The following KTN1 variants were observed in gnomAD, a reference collection of about 807,000 sequenced individuals.
KTN1 encodes the protein kinectin.
In KTN1, 130 loss-of-function variants were observed where a neutral mutation model predicts 222.5. That is an observed-to-expected ratio of 0.58 (90% CI 0.51 to 0.68). The LOEUF is 0.68. Ranked by LOEUF, KTN1 falls within the 30% of genes least tolerant of loss-of-function variation. The probability of loss-of-function intolerance (pLI) is 0.00; values close to 1 mark genes in which losing one functional copy is unlikely to be tolerated. For missense variants in KTN1, 1,508 were observed against 1,500.4 expected (o/e 1.01, Z -0.08); for synonymous variants, 512 against 496.3 (o/e 1.03, Z -0.42).
intron 37 of KTN1, 69 bp from the exon 38 acceptor site, chr14:55,672,561 A>G: frequency 1.1e-6 from 1 of 920,782 alleles, no homozygotes; most frequent in Admixed American, 2.1e-5. Flanking sequence ...ATTGATCAGA[A>G]TTCTACAGGA....
At chr14:55,626,216 A>G (rs2039808759) in intron 5 of KTN1, among the ~76,000 whole-genome samples, 1 of 151,972 alleles carries the variant, frequency 6.6e-6, no homozygotes, top group Non-Finnish European at 1.5e-5. Context: ...AACAAAAAAA[A>G]AAACCCTAAC....
chr14:55,634,444 C>A, intron 8 of KTN1, 82 bp from the exon 9 acceptor site: 1 of 1,294,302 alleles, frequency 7.7e-7, no homozygotes, highest in Non-Finnish European at 1.0e-6. Context: ...CTCAGCTCAG[C>A]AAAACTAACA....
chr14:55,624,573 A>G (rs2039558481), intron 5 of KTN1, among the ~76,000 whole-genome samples: 1 of 152,186 alleles, frequency 6.6e-6, no homozygotes, highest in Non-Finnish European at 1.5e-5. Flanking sequence ...AAAGGCTACA[A>G]TGGGAGTGAT....
intron 8 of KTN1, among the ~76,000 whole-genome samples, chr14:55,634,300 A>G (rs1205799637): frequency 1.3e-5 from 2 of 152,116 alleles, no homozygotes; most frequent in African/African-American, 4.8e-5. Flanking sequence ...ATGGTCATCC[A>G]TTTTTCTTGA....
rs201889765 is a variant in KTN1, at chr14:55,616,575, G to A, written c.582G>A (p.Leu194=). ...LMVPSKRQEA[L]PLHQETKQES... ...TACCATCAAAAAGGCAAGAAGCATT[G>A]CCCCTCCACCAAGAGACTAAACAAG... Residue 194 remains leucine, a synonymous_variant, in exon 3 of 44, where the codon TTG becomes TTA. Coordinates refer to ENST00000395314, the MANE Select transcript of KTN1 (RefSeq NM_001079521.2). 96 of 1,607,716 alleles carry A rather than the reference G, an allele frequency of 6.0e-5. 1 individual carries two copies. The highest frequency in any genetic ancestry group is 6.8e-6 in the Non-Finnish European group (8 of 1,178,076).
At position 55,618,097 on chromosome 14, in the gene KTN1, A is replaced by G. The variant is rs758967205; in HGVS notation, c.795A>G (p.Lys265=). Residue 265 remains lysine, a synonymous_variant, in exon 4 of 44, where the codon AAA becomes AAG. Coordinates refer to ENST00000395314, the MANE Select transcript of KTN1 (RefSeq NM_001079521.2). ...CTGACCAAGTAGAAGGGATCCAGAAATCTGGGACTAAAAAACTGAAGACCG... is the reference window on the plus strand; with the variant it reads ...CTGACCAAGTAGAAGGGATCCAGAAGTCTGGGACTAAAAAACTGAAGACCG... ...LKPDQVEGIQ[K]SGTKKLKTET... 1.9e-6 allele frequency: 3 copies of G among 1,612,388 alleles called. No homozygotes were observed. The Middle Eastern group carries it at 5.0e-4, about 266-fold the overall frequency.
intron 4 of KTN1, among the ~76,000 whole-genome samples, chr14:55,618,479 A>C (rs2140736804): frequency 6.6e-6 from 1 of 152,202 alleles, no homozygotes; most frequent in Non-Finnish European, 1.5e-5. Flanking sequence ...ATTCATTGGA[A>C]AGTTCAGAGT....
intron 43 of KTN1, chr14:55,682,082 T>C (rs2046422496): frequency 6.6e-6 from 1 of 152,182 alleles, no homozygotes; most frequent in Non-Finnish European, 1.5e-5. Flanking sequence ...ATGCTGCACA[T>C]ATTCAATAAA....
intron 8 of KTN1, among the ~76,000 whole-genome samples, chr14:55,633,877 G>C (rs2040809251): frequency 6.6e-6 from 1 of 152,096 alleles, no homozygotes; most frequent in Non-Finnish European, 1.5e-5. Context: ...GGTGGTTCAT[G>C]CCTGTAATCC....
intron 7 of KTN1, among the ~76,000 whole-genome samples, chr14:55,632,031 A>G (rs1692511031): frequency 6.6e-6 from 1 of 152,136 alleles, no homozygotes; most frequent in Admixed American, 6.5e-5. Flanking sequence ...CTGAAATGCC[A>G]CTAATAGCAA....
chr14:55,672,304 T>C (rs1427423591), intron 37 of KTN1: 1 of 245,702 alleles, frequency 4.1e-6, no homozygotes, highest in Non-Finnish European at 7.7e-6. Context: ...ATTACTCACT[T>C]ATTTTTTGGG....
intron 1 of KTN1, among the ~76,000 whole-genome samples, chr14:55,606,879 T>A (rs771011038): frequency 1.3e-5 from 2 of 152,208 alleles, no homozygotes; most frequent in Non-Finnish European, 2.9e-5. Flanking sequence ...TATATAATAC[T>A]CAACACAAAA....
rs144554576 is a variant in KTN1, at chr14:55,603,012, T to C, written c.-30-9007T>C. 9.8e-5 allele frequency among the ~76,000 whole-genome samples: 15 copies of C among 152,334 alleles called. No homozygotes were observed. The East Asian group carries it at 2.9e-3, about 29-fold the overall frequency. On this transcript the variant is annotated intron_variant, in intron 1 of 43. Coordinates refer to ENST00000395314, the MANE Select transcript of KTN1 (RefSeq NM_001079521.2). ...CCTTTCCTGTCCTGGGTCTGTGCTTTTATATTCTTCCTTTATGTTTCTACA... is the reference window on the plus strand; with the variant it reads ...CCTTTCCTGTCCTGGGTCTGTGCTTCTATATTCTTCCTTTATGTTTCTACA...
At chr14:55,619,792 A>G (rs1234856128) in intron 5 of KTN1, among the ~76,000 whole-genome samples, 2 of 152,108 alleles carry the variant, frequency 1.3e-5, no homozygotes, top group Non-Finnish European at 2.9e-5. Context: ...TCAGGATGAG[A>G]TTTGGGTGGG....
At chr14:55,647,113 G>A (rs1273365900) in intron 19 of KTN1, 106 bp downstream of exon 19, 2 of 741,976 alleles carry the variant, frequency 2.7e-6, no homozygotes, top group African/African-American at 1.8e-5. Flanking sequence ...TGGAAGAAAT[G>A]TAGTATGCTG....
At chr14:55,626,875 TC>T (rs68127620) in intron 5 of KTN1, among the ~76,000 whole-genome samples, 27 of 152,066 alleles carry the variant, frequency 1.8e-4, no homozygotes, top group South Asian at 6.2e-4. Context: ...ACTTTTTTTT[TC>T]TTTTCCTTCT....
rs757188998 is a variant in KTN1, at chr14:55,636,454, A to G, written c.1467A>G (p.Gln489=). The part of the protein sequence containing the change: ...AEQAATQLKV[Q]LQEAERRWEE... ...CTCCCTTTTAAAATACCAAGGTTCAACTACAAGAAGCTGAGAGAAGGTGGG... is the reference window on the plus strand; with the variant it reads ...CTCCCTTTTAAAATACCAAGGTTCAGCTACAAGAAGCTGAGAGAAGGTGGG... Residue 489 remains glutamine, a synonymous_variant, in exon 10 of 44, where the codon CAA becomes CAG. Transcript: ENST00000395314. The G allele has an allele frequency of 2.5e-6, 4 of 1,607,934 alleles. No individual in the cohort carries two copies. The highest frequency in any genetic ancestry group is 2.2e-5 in the South Asian group (2 of 89,958).
chr14:55,591,729 A>G (rs2034185348), intron 1 of KTN1, among the ~76,000 whole-genome samples: 1 of 151,392 alleles, frequency 6.6e-6, no homozygotes, highest in Non-Finnish European at 1.5e-5. Context: ...GGCATGCACC[A>G]CCACACCTGG....
chr14:55,586,415 G>A (rs1423519414), intron 1 of KTN1, among the ~76,000 whole-genome samples: 5 of 149,930 alleles, frequency 3.3e-5, no homozygotes, highest in Non-Finnish European at 6.0e-5. Flanking sequence ...TGCTTTAGGT[G>A]CATTATCATA....
Sources: allele counts gnomAD v4.1 joint callset (sites outside exome capture counted in the v4.1 genomes callset), GRCh38; gene constraint gnomAD v4.1.1; transcripts MANE v1.5; gene names NCBI Gene and HGNC (gene_info 2026-07-23, HGNC 2026-07-21).